Variants in TENM2 observed in about 807,000 individuals in gnomAD.
TENM2 encodes the protein teneurin transmembrane protein 2, also known as teneurin-2.
TENM2 carries 52 observed loss-of-function variants against 245.2 expected under a neutral mutation model. That is an observed-to-expected ratio of 0.21 (90% CI 0.17 to 0.27). TENM2 has a LOEUF of 0.27. TENM2 is among the 10% of genes least tolerant of loss of function. The pLI is 1.00. For synonymous variants in TENM2, 1,363 were observed against 1,438.9 expected, an observed-to-expected ratio of 0.95 and a Z score of 1.19; for missense variants, 3,046 against 3,666.8, an observed-to-expected ratio of 0.83 and a Z score of 4.37.
chr5:167,258,170 AT>A, the TENM2 span, among the ~76,000 whole-genome samples: 1 of 146,586 alleles, frequency 6.8e-6, no homozygotes, highest in East Asian at 2.0e-4. Context: ...TATATTTTGT[AT>A]TTTTCATTGT....
At chr5:167,448,112 A>G (rs1261677856) in intron 2 of TENM2, among the ~76,000 whole-genome samples, 1 of 152,200 alleles carries the variant, frequency 6.6e-6, no homozygotes, top group Non-Finnish European at 1.5e-5. Context: ...AGTGGTTCCC[A>G]GTGGCAGTCA....
intron 1 of TENM2, among the ~76,000 whole-genome samples, chr5:167,347,397 G>T (rs540309799): frequency 6.6e-6 from 1 of 152,270 alleles, no homozygotes; most frequent in African/African-American, 2.4e-5. Flanking sequence ...GAGAAGCCTA[G>T]AGAATTGTCT....
At chr5:168,028,938 T>G (rs1786862423) in intron 5 of TENM2, among the ~76,000 whole-genome samples, 1 of 152,242 alleles carries the variant, frequency 6.6e-6, no homozygotes, top group African/African-American at 2.4e-5. Flanking sequence ...TATTACTTTC[T>G]GTGCCCATGG....
intron 2 of TENM2, among the ~76,000 whole-genome samples, chr5:167,664,789 A>G (rs1269477079): frequency 6.6e-6 from 1 of 152,224 alleles, no homozygotes; most frequent in Non-Finnish European, 1.5e-5. Context: ...TTGGTGTGAC[A>G]TGATGATAGT....
chr5:167,482,968 T>C (rs1767846554), intron 2 of TENM2, among the ~76,000 whole-genome samples: 3 of 152,226 alleles, frequency 2.0e-5, no homozygotes. Flanking sequence ...AAATCTTTCT[T>C]TCACTACGTT....
At chr5:167,693,157 G>A (rs1757538950) in intron 2 of TENM2, among the ~76,000 whole-genome samples, 1 of 152,076 alleles carries the variant, frequency 6.6e-6, no homozygotes, top group South Asian at 2.1e-4. Context: ...CTGTATATAC[G>A]ATGCTCAATA....
intron 2 of TENM2, among the ~76,000 whole-genome samples, chr5:167,380,780 A>T (rs947160246): frequency 1.3e-5 from 2 of 152,138 alleles, no homozygotes; most frequent in Non-Finnish European, 2.9e-5. Flanking sequence ...ACTTCAGTTG[A>T]GTTGCTCTTT....
chr5:168,100,415 T>A (rs924618459), intron 9 of TENM2, among the ~76,000 whole-genome samples: 47 of 148,860 alleles, frequency 3.2e-4, no homozygotes, highest in African/African-American at 9.7e-4. Flanking sequence ...ATCATTCTAC[T>A]ATAAAGACAT....
chr5:167,500,060 G>GA (rs1769099922), intron 2 of TENM2, among the ~76,000 whole-genome samples: 1 of 84,932 alleles, frequency 1.2e-5, no homozygotes, highest in Admixed American at 1.5e-4. Context: ...ATATATATGA[G>GA]GGTGTGTGTG....
intron 27 of TENM2, among the ~76,000 whole-genome samples, chr5:168,251,289 C>T (rs1767093966): frequency 6.6e-6 from 1 of 152,204 alleles, no homozygotes; most frequent in Non-Finnish European, 1.5e-5. Flanking sequence ...ACTTACCTGG[C>T]TCTCCAGAAA....
At chr5:167,232,070 C>A in the TENM2 span, among the ~76,000 whole-genome samples, 2 of 152,152 alleles carry the variant, frequency 1.3e-5, no homozygotes, top group African/African-American at 4.8e-5. Flanking sequence ...GAACCTCCAC[C>A]TATATTTCAG....
In TENM2 at chr5:167,547,894, A is replaced by T. The variant is rs532698831; in HGVS notation, c.502+172421A>T. ...GAGACAAGGATAGGAATAAGAACAC[A>T]TTGGCATCTATTAAGATCATTTACA... On this transcript the variant is annotated intron_variant, in intron 2 of 28. Transcript: ENST00000518659. 9.2e-5 allele frequency among the ~76,000 whole-genome samples: 14 copies of T among 152,370 alleles called. No homozygotes were observed. In the South Asian group the frequency reaches 2.9e-3, roughly 32 times the overall value.
the TENM2 span, among the ~76,000 whole-genome samples, chr5:167,145,718 C>T: frequency 3.3e-5 from 5 of 152,112 alleles, no homozygotes; most frequent in African/African-American, 1.2e-4. Context: ...TTCCGCTGCC[C>T]GGCTGTCTTG....
chr5:167,480,460 G>C (rs956077667), intron 2 of TENM2, among the ~76,000 whole-genome samples: 4 of 152,178 alleles, frequency 2.6e-5, no homozygotes, highest in Non-Finnish European at 5.9e-5. Flanking sequence ...AATTACTAAA[G>C]AGGAAATGTG....
chr5:166,982,941 G>C, the TENM2 span, among the ~76,000 whole-genome samples: 1 of 152,062 alleles, frequency 6.6e-6, no homozygotes, highest in African/African-American at 2.4e-5. Flanking sequence ...TATTTGCTGA[G>C]AGCAAATAGC....
rs1388739199 is a variant in TENM2, at chr5:167,346,047, C to A, written c.227-29151C>A. Among the ~76,000 whole-genome samples, 4 of 152,082 alleles carry A rather than the reference C, an allele frequency of 2.6e-5. No homozygotes were observed. The South Asian group carries it at 6.2e-4, about 24-fold the overall frequency. Reference sequence around the variant, plus strand: ...ACATTTTGCCAGGGGTGGGACAGAACAACATGGCCTAATCATGAAAGGTCA... The same window carrying A: ...ACATTTTGCCAGGGGTGGGACAGAAAAACATGGCCTAATCATGAAAGGTCA... On this transcript the variant is annotated intron_variant, in intron 1 of 28. Coordinates refer to ENST00000518659, the Ensembl canonical transcript of TENM2.
chr5:167,622,502 G>T (rs1235115033), intron 2 of TENM2, among the ~76,000 whole-genome samples: 1 of 152,096 alleles, frequency 6.6e-6, no homozygotes, highest in Non-Finnish European at 1.5e-5. Context: ...ATTTTAGAAA[G>T]AAGAAAGAAT....
Position 167,505,969 on chromosome 5 carries a change from C to T in TENM2, c.502+130496C>T, listed in dbSNP as rs540394223. Among the ~76,000 whole-genome samples the T allele has an allele frequency of 2.6e-5, 4 of 152,098 alleles. No individual in the cohort carries two copies. The South Asian group carries it at 8.3e-4, about 32-fold the overall frequency. ...GCTAAGGTAGGAAAACTGCTTGAGCCCAGGAATCTGAGGCAAGCCTGGGTA... is the reference window on the plus strand; with the variant it reads ...GCTAAGGTAGGAAAACTGCTTGAGCTCAGGAATCTGAGGCAAGCCTGGGTA... On this transcript the variant is annotated intron_variant, in intron 2 of 28. Transcript: ENST00000518659.
At chr5:167,744,776 GTTCT>G (rs1324273483) in intron 2 of TENM2, among the ~76,000 whole-genome samples, 4 of 151,984 alleles carry the variant, frequency 2.6e-5, no homozygotes, top group South Asian at 2.1e-4. Context: ...TGTGGACACT[GTTCT>G]TTCTTTCTGT....
Sources: allele counts gnomAD v4.1 joint callset (sites outside exome capture counted in the v4.1 genomes callset), GRCh38; gene constraint gnomAD v4.1.1; transcripts MANE v1.5; gene names NCBI Gene and HGNC (gene_info 2026-07-23, HGNC 2026-07-21).